The following ZNF280D variants were observed in gnomAD, a reference collection of about 807,000 sequenced individuals.
The protein encoded by ZNF280D is zinc finger protein 280D.
ZNF280D carries 39 observed loss-of-function variants against 94.7 expected under a neutral mutation model. The observed-to-expected ratio is 0.41, with a 90% CI of 0.32 to 0.54. The LOEUF is 0.54. Among genes scored for constraint, ZNF280D ranks in the 20% least tolerant of loss-of-function variants. The probability of loss-of-function intolerance (pLI) is 0.22; values close to 1 mark genes in which losing one functional copy is unlikely to be tolerated. For synonymous variants in ZNF280D, 398 were observed against 377.6 expected, an observed-to-expected ratio of 1.05 and a Z score of -0.63; for missense variants, 1,090 against 1,149.3, an observed-to-expected ratio of 0.95 and a Z score of 0.75.
intron 19 of ZNF280D, among the ~76,000 whole-genome samples, chr15:56,646,227 C>A (rs1402474505): frequency 6.6e-6 from 1 of 152,016 alleles, no homozygotes; most frequent in African/African-American, 2.4e-5. Flanking sequence ...AGTTTGAGAC[C>A]AGCCTGGGCA....
intron 17 of ZNF280D, among the ~76,000 whole-genome samples, chr15:56,656,229 C>G (rs913901501): frequency 6.6e-6 from 1 of 152,104 alleles, no homozygotes; most frequent in African/African-American, 2.4e-5. Flanking sequence ...ATGTGCAAGA[C>G]AGATACGTAA....
chr15:56,680,612 G>C (rs2140992546), intron 10 of ZNF280D, among the ~76,000 whole-genome samples: 1 of 149,348 alleles, frequency 6.7e-6, no homozygotes, highest in East Asian at 1.9e-4. Context: ...AAGTAGCTGG[G>C]ACTACAGGTG....
chr15:56,639,676 T>C (rs1330274890), intron 20 of ZNF280D, among the ~76,000 whole-genome samples: 2 of 152,216 alleles, frequency 1.3e-5, no homozygotes, highest in East Asian at 1.9e-4. Context: ...TATTTTTATG[T>C]ACTTCAGCCA....
chr15:56,732,191 TC>T (rs1388600818), intron 1 of ZNF280D, among the ~76,000 whole-genome samples: 1 of 152,286 alleles, frequency 6.6e-6, no homozygotes, highest in Non-Finnish European at 1.5e-5. Context: ...CTCTTCCTAG[TC>T]AGTGACCTCA....
chr15:56,730,821 T>G, intron 1 of ZNF280D, among the ~76,000 whole-genome samples: 1 of 152,266 alleles, frequency 6.6e-6, no homozygotes, highest in Non-Finnish European at 1.5e-5. Context: ...CCAACTGTGT[T>G]TATCAGATTA....
chr15:56,693,523 A>G (rs1300791638), intron 6 of ZNF280D, among the ~76,000 whole-genome samples: 2 of 152,050 alleles, frequency 1.3e-5, no homozygotes, highest in African/African-American at 4.8e-5. Flanking sequence ...TCTTAGTTCA[A>G]CTTCTTCAAG....
intron 1 of ZNF280D, among the ~76,000 whole-genome samples, chr15:56,708,722 A>C (rs541474401): frequency 1.3e-5 from 2 of 152,334 alleles, no homozygotes; most frequent in Non-Finnish European, 2.9e-5. Flanking sequence ...TAACCATCTG[A>C]TCTTTGACAA....
rs149543352 is a variant in ZNF280D, at chr15:56,708,350, T to C, written c.-85-1044A>G. ...TTCTAAAGTTGTACTATTAAAAATC[T>C]TTTAACTCAATTTTTGAATAGCTGT... is the stretch of plus-strand genomic sequence containing the variant. On this transcript the variant is annotated intron_variant, in intron 1 of 21. Transcript: ENST00000267807. Among the ~76,000 whole-genome samples the C allele has an allele frequency of 5.5e-3, 837 of 152,292 alleles. 7 individuals are homozygous for C. Among genetic ancestry groups the C allele is most frequent in the African/African-American group, 0.019 (802 of 41,572 alleles).
chr15:56,725,665 T>C (rs1310777278), intron 1 of ZNF280D, among the ~76,000 whole-genome samples: 1 of 152,120 alleles, frequency 6.6e-6, no homozygotes, highest in Non-Finnish European at 1.5e-5. Flanking sequence ...AGACCACATT[T>C]AGAGAACTAC....
intron 13 of ZNF280D, among the ~76,000 whole-genome samples, chr15:56,669,275 G>GA (rs2054512469): frequency 6.6e-6 from 1 of 151,932 alleles, no homozygotes; most frequent in African/African-American, 2.4e-5. Context: ...TTGAAAATGA[G>GA]ATGTACTACG....
intron 9 of ZNF280D, among the ~76,000 whole-genome samples, chr15:56,687,611 T>C (rs1341987613): frequency 1.3e-5 from 2 of 152,200 alleles, no homozygotes; most frequent in African/African-American, 4.8e-5. Context: ...TTTTGAATCA[T>C]GTGACTGTAT....
At position 56,658,495 on chromosome 15, in the gene ZNF280D, A is replaced by G; in HGVS notation, c.1995-9T>C. The G allele has an allele frequency of 6.5e-7, 1 of 1,546,982 alleles. No homozygotes were observed. The highest frequency in any genetic ancestry group is 8.7e-7 in the Non-Finnish European group (1 of 1,153,432). ...GACGGTTACTATGAAAGCTGGAGAA[A>G]CAAAAGAGATAGTAAAAATTTTATT... On this transcript the variant is annotated splice_polypyrimidine_tract_variant and intron_variant, in intron 16 of 21. Coordinates refer to ENST00000267807, the MANE Select transcript of ZNF280D (RefSeq NM_017661.4).
At chr15:56,704,016 TTTACAGTGGAACATG>T (rs2057248524) in intron 4 of ZNF280D, 90 bp downstream of exon 4, 2 of 1,266,384 alleles carry the variant, frequency 1.6e-6, no homozygotes, top group Admixed American at 5.0e-5. Flanking sequence ...CATGTTCCTC[TTTACAGTGGAACATG>T]AACATCAACT....
At chr15:56,653,798 C>A in intron 19 of ZNF280D, 1 of 1,263,368 alleles carries the variant, frequency 7.9e-7, no homozygotes, top group Non-Finnish European at 9.9e-7. Flanking sequence ...AAAGAAAAGA[C>A]CATAGCAACA....
At position 56,631,882 on chromosome 15, in the gene ZNF280D, C is replaced by G. The variant is rs1384097996; in HGVS notation, c.2556G>C (p.Lys852Asn). The G allele has an allele frequency of 1.2e-6, 2 of 1,613,620 alleles. No individual in the cohort carries two copies. Among genetic ancestry groups the G allele is most frequent in the Non-Finnish European group, 1.7e-6 (2 of 1,180,014 alleles). ...IQHVCQEMELKMCQSSENIIL... is the reference protein window; with the variant it reads ...IQHVCQEMELNMCQSSENIIL... ...TTATGTTTTCTGAACTTTGGCACAT[C>G]TTCAACTCCATTTCCTGACAAACGT... Residue 852 changes from lysine to asparagine, a missense_variant, in exon 22 of 22, where the codon AAG (lysine) becomes AAC (asparagine). Physicochemically the swap from Lys to Asn is moderately conservative, Grantham distance 94. Transcript: ENST00000267807.
intron 19 of ZNF280D, 196 bp from the exon 20 acceptor site, chr15:56,643,193 G>A (rs1395361449): frequency 2.8e-5 from 10 of 352,838 alleles, no homozygotes; most frequent in African/African-American, 1.7e-4. Flanking sequence ...TAGTAGATTC[G>A]ATAAATGTGC....
At chr15:56,653,895 T>C (rs2053361956) in intron 19 of ZNF280D, 1 of 1,255,114 alleles carries the variant, frequency 8.0e-7, no homozygotes. Context: ...GGAATAAGAA[T>C]CTAGTCCCAT....
At chr15:56,730,363 G>A (rs866705639) in intron 1 of ZNF280D, 2 of 152,078 alleles carry the variant, frequency 1.3e-5, no homozygotes, top group Admixed American at 6.6e-5. Flanking sequence ...TCCAAAACTT[G>A]CTTTTGGAAT....
chr15:56,722,839 CAAT>C (rs2058437724), intron 1 of ZNF280D, among the ~76,000 whole-genome samples: 1 of 151,778 alleles, frequency 6.6e-6, no homozygotes, highest in African/African-American at 2.4e-5. Flanking sequence ...AAATGTCCAA[CAAT>C]GATAGACTGG....
Sources: allele counts gnomAD v4.1 joint callset (sites outside exome capture counted in the v4.1 genomes callset), GRCh38; gene constraint gnomAD v4.1.1; transcripts MANE v1.5; gene names NCBI Gene and HGNC (gene_info 2026-07-23, HGNC 2026-07-21).